The following ICA1L variants were observed in gnomAD, a reference collection of about 807,000 sequenced individuals.
ICA1L encodes the protein islet cell autoantigen 1 like, also known as islet cell autoantigen 1-like protein.
A neutral mutation model predicts 61.3 loss-of-function variants in ICA1L; 50 were observed. That is an observed-to-expected ratio of 0.82 (90% confidence interval 0.65 to 1.03). The LOEUF (loss-of-function observed/expected upper bound fraction) is 1.03. ICA1L is among the 50% of genes least tolerant of loss of function. The probability of loss-of-function intolerance (pLI) is 0.00; values close to 1 mark genes in which losing one functional copy is unlikely to be tolerated. For synonymous variants in ICA1L, 161 were observed against 191.3 expected (o/e 0.84, Z 1.31); for missense variants, 508 against 556.7 (o/e 0.91, Z 0.88).
chr2:202,803,238 T>C (rs1358044255), intron 9 of ICA1L, among the ~76,000 whole-genome samples: 1 of 151,492 alleles, frequency 6.6e-6, no homozygotes, highest in Admixed American at 6.6e-5. Context: ...CCAGACCCCA[T>C]CACTACTAAA....
rs963693573 is a variant in ICA1L at position 202,816,027 on chromosome 2, G to A, written c.685-18C>T. On this transcript the variant is annotated intron_variant, in intron 6 of 12. Transcript: ENST00000358299. ...AGTGTTCTCTGCAAAAAAAGAAAAG[G>A]TGACACTACAGTTCTGCTTCCCCTC... 4 of 1,509,896 alleles carry A rather than the reference G, an allele frequency of 2.6e-6. No homozygotes were observed. In the African/African-American group the frequency reaches 5.6e-5, roughly 21 times the overall value. 93.5% of individuals were successfully genotyped at this position (1,509,896 alleles called of 1,614,324 possible). A position where few individuals can be genotyped will look rare whatever the true frequency, so the allele number is the denominator to read the frequency against.
In ICA1L at chr2:202,821,482, C is replaced by T. The variant is rs1173465467; in HGVS notation, c.236-1G>A. ...AGCTCATTTTCTTCCTCTGATATAA[C>T]TAGGAAAAAAATTACAGTGTAGTTA... On this transcript the variant is annotated splice_acceptor_variant, in intron 3 of 12. Coordinates refer to ENST00000358299, the MANE Select transcript of ICA1L (RefSeq NM_001288622.3). LOFTEE classifies it high-confidence loss of function. The T allele has an allele frequency of 2.5e-6, 4 of 1,599,656 alleles. No homozygotes were observed. The highest frequency in any genetic ancestry group is 3.4e-6 in the Non-Finnish European group (4 of 1,174,042).
intron 1 of ICA1L, among the ~76,000 whole-genome samples, chr2:202,845,715 TAAGTA>T (rs1200408131): frequency 6.6e-6 from 1 of 152,196 alleles, no homozygotes; most frequent in Admixed American, 6.5e-5. Flanking sequence ...ATTCAAATCT[TAAGTA>T]AAATAAAACA....
At chr2:202,813,665 C>G (rs1418032241) in intron 8 of ICA1L, among the ~76,000 whole-genome samples, 1 of 152,186 alleles carries the variant, frequency 6.6e-6, no homozygotes, top group South Asian at 2.1e-4. Flanking sequence ...TTCTACTCAA[C>G]AGTATATGGT....
chr2:202,869,307 G>A (rs1005228094), intron 1 of ICA1L, among the ~76,000 whole-genome samples: 3 of 152,084 alleles, frequency 2.0e-5, no homozygotes, highest in African/African-American at 4.8e-5. Flanking sequence ...GCAGTGAGCC[G>A]AGATCCTGCC....
chr2:202,839,402 G>A (rs1694248027), intron 1 of ICA1L, among the ~76,000 whole-genome samples: 1 of 151,568 alleles, frequency 6.6e-6, no homozygotes, highest in South Asian at 2.1e-4. Context: ...AGGAGGCTGA[G>A]GCAGGAGAAT....
intron 1 of ICA1L, among the ~76,000 whole-genome samples, chr2:202,863,626 C>T (rs1687353540): frequency 6.6e-6 from 1 of 151,882 alleles, no homozygotes; most frequent in Admixed American, 6.6e-5. Context: ...AGATTGAGAC[C>T]ATCCTGGCTA....
intron 10 of ICA1L, 21 bp downstream of exon 10, chr2:202,796,869 G>A: frequency 5.1e-6 from 7 of 1,374,706 alleles, no homozygotes; most frequent in Non-Finnish European, 7.1e-6. Flanking sequence ...TCATTCATAT[G>A]TAGAGTGAAA....
intron 12 of ICA1L, among the ~76,000 whole-genome samples, chr2:202,780,539 C>T (rs1429768638): frequency 6.6e-6 from 1 of 152,084 alleles, no homozygotes; most frequent in Non-Finnish European, 1.5e-5. Context: ...AAGTCTAGGC[C>T]CTTGAAAGCC....
chr2:202,802,728 T>C (rs1421780788), intron 9 of ICA1L, among the ~76,000 whole-genome samples: 1 of 151,560 alleles, frequency 6.6e-6, no homozygotes, highest in South Asian at 2.1e-4. Flanking sequence ...TAGAAAGAAA[T>C]AGTAAGACAG....
At position 202,846,732 on chromosome 2, in the gene ICA1L, GTCATTCAT is replaced by G. The variant is rs10587796; in HGVS notation, c.-7-17724_-7-17717del. On this transcript the variant is annotated intron_variant, in intron 1 of 12. Coordinates refer to ENST00000358299, the MANE Select transcript of ICA1L (RefSeq NM_001288622.3). The stretch of plus-strand genomic sequence containing the variant: ...CTTGCAAGCCCTTATCCAAAAGTGA[GTCATTCAT>G]TCATTCATTCATTCATTGTTAAATA... Among the ~76,000 whole-genome samples, 642 of 151,390 alleles carry G rather than the reference GTCATTCAT, an allele frequency of 4.2e-3. 1 individual carries two copies. The highest frequency in any genetic ancestry group is 0.028 in the Middle Eastern group (8 of 290).
intron 1 of ICA1L, chr2:202,840,912 T>C: frequency 2.8e-6 from 2 of 716,332 alleles, no homozygotes; most frequent in Non-Finnish European, 5.1e-6. Flanking sequence ...AGCCAGCGTC[T>C]GCAGTTCCTC....
intron 9 of ICA1L, among the ~76,000 whole-genome samples, chr2:202,806,163 A>C (rs2105838648): frequency 6.6e-6 from 1 of 152,244 alleles, no homozygotes; most frequent in Admixed American, 6.5e-5. Context: ...AATCCCAGGC[A>C]GTGCAGCTTA....
chr2:202,851,414 A>T (rs1694616748), intron 1 of ICA1L, among the ~76,000 whole-genome samples: 2 of 152,184 alleles, frequency 1.3e-5, no homozygotes, highest in African/African-American at 4.8e-5. Flanking sequence ...TCTATCATTG[A>T]TGGACATTTG....
chr2:202,796,210 A>G (rs1692921988), intron 10 of ICA1L, among the ~76,000 whole-genome samples: 1 of 152,186 alleles, frequency 6.6e-6, no homozygotes, highest in African/African-American at 2.4e-5. Flanking sequence ...TTCTTCTATA[A>G]TCTGGGTTTA....
chr2:202,835,488 G>A (rs1694125122), intron 1 of ICA1L, among the ~76,000 whole-genome samples: 1 of 151,068 alleles, frequency 6.6e-6, no homozygotes, highest in Admixed American at 6.6e-5. Context: ...TTACAGGCGT[G>A]AGGGACCCCA....
At chr2:202,859,711 A>C (rs527642470) in intron 1 of ICA1L, among the ~76,000 whole-genome samples, 13 of 152,340 alleles carry the variant, frequency 8.5e-5, no homozygotes, top group Admixed American at 5.2e-4. Context: ...TTTTTCAAAA[A>C]GGATTCAAAA....
At chr2:202,868,932 C>A (rs951353031) in intron 1 of ICA1L, among the ~76,000 whole-genome samples, 1 of 152,080 alleles carries the variant, frequency 6.6e-6, no homozygotes, top group African/African-American at 2.4e-5. Context: ...CGCGCCACTG[C>A]ACTCCAGTCT....
chr2:202,783,460 G>T (rs1692476122), intron 12 of ICA1L, among the ~76,000 whole-genome samples: 1 of 152,168 alleles, frequency 6.6e-6, no homozygotes, highest in Admixed American at 6.5e-5. Flanking sequence ...TCCTGCACTG[G>T]TAGTCCTGCC....
Sources: gnomAD v4.1 joint callset for allele counts (sites outside exome capture counted in the v4.1 genomes callset) on GRCh38, gnomAD v4.1.1 for gene constraint, MANE v1.5 for transcripts, NCBI Gene and HGNC (gene_info 2026-07-23, HGNC 2026-07-21) for gene names.